Variants in DCDC2 observed in about 807,000 individuals in gnomAD.
DCDC2 encodes the protein doublecortin domain-containing protein 2.
A neutral mutation model predicts 50.2 loss-of-function variants in DCDC2; 40 were observed. The ratio of observed to expected loss-of-function variants is 0.80; its 90% CI spans 0.62 to 1.04. The LOEUF is 1.04. DCDC2 is among the 50% of genes least tolerant of loss of function. The probability of loss-of-function intolerance (pLI) is 0.00; values close to 1 mark genes in which losing one functional copy is unlikely to be tolerated. For synonymous variants in DCDC2, 234 were observed against 210.6 expected (o/e 1.11, Z -0.96); for missense variants, 570 against 581.9 (o/e 0.98, Z 0.21).
intron 2 of DCDC2, among the ~76,000 whole-genome samples, chr6:24,349,338 A>G (rs955871680): frequency 4.6e-5 from 7 of 152,258 alleles, no homozygotes; most frequent in Non-Finnish European, 8.8e-5. Context: ...GAGGTCATGC[A>G]TGTCTTAATC....
chr6:24,358,846 TATA>T, upstream of DCDC2, among the ~76,000 whole-genome samples: 1 of 27,736 alleles, frequency 3.6e-5, no homozygotes, highest in African/African-American at 2.2e-4. Flanking sequence ...TATATATTTA[TATA>T]TTATATATAA....
intron 2 of DCDC2, among the ~76,000 whole-genome samples, chr6:24,341,239 A>C (rs1760149860): frequency 6.6e-6 from 1 of 152,236 alleles, no homozygotes; most frequent in African/African-American, 2.4e-5. Context: ...AAATATAAAA[A>C]GTCAATTTAT....
At chr6:24,265,520 C>T (rs746236312) in intron 7 of DCDC2, among the ~76,000 whole-genome samples, 11 of 151,098 alleles carry the variant, frequency 7.3e-5, no homozygotes, top group Admixed American at 3.3e-4. Context: ...GATCACAAAA[C>T]AAGTTTTAAA....
chr6:24,174,935 T>C, intron 9 of DCDC2, 101 bp from the exon 10 acceptor site: 2 of 604,380 alleles, frequency 3.3e-6, no homozygotes, highest in Non-Finnish European at 2.6e-6. Context: ...TTTAATTATA[T>C]AAATATTTAA....
intron 1 of DCDC2, among the ~76,000 whole-genome samples, chr6:24,354,947 C>T (rs187457608): frequency 6.6e-6 from 1 of 152,268 alleles, no homozygotes; most frequent in Admixed American, 6.5e-5. Flanking sequence ...TCTTTCCCAA[C>T]ATTTAGGGTC....
intron 7 of DCDC2, among the ~76,000 whole-genome samples, chr6:24,241,820 A>C (rs540142474): frequency 6.6e-6 from 1 of 152,356 alleles, no homozygotes; most frequent in East Asian, 1.9e-4. Context: ...ATATGAATAG[A>C]ATATATGAGT....
chr6:24,214,576 G>A lies in DCDC2; in HGVS notation c.923-9474C>T, dbSNP rs568946810. On this transcript the variant is annotated intron_variant, in intron 7 of 9. Transcript: ENST00000378454. ...GGACTGAAAATAATTAAGTACCTCT[G>A]AGTAGGTTTACCTAAACCAACAAGT... is the stretch of plus-strand genomic sequence containing the variant. 2.6e-5 allele frequency among the ~76,000 whole-genome samples: 4 copies of A among 152,208 alleles called. No individual in the cohort carries two copies. In the East Asian group the frequency reaches 7.7e-4, roughly 29 times the overall value.
chr6:24,246,019 T>C (rs112959773), intron 7 of DCDC2, among the ~76,000 whole-genome samples: 1,759 of 152,296 alleles, frequency 0.012, 40 homozygotes, highest in African/African-American at 0.04. Flanking sequence ...TATTTATTTT[T>C]TTGAGACAGA....
intron 7 of DCDC2, among the ~76,000 whole-genome samples, chr6:24,265,791 C>G (rs955761568): frequency 1.8e-4 from 27 of 150,798 alleles, no homozygotes; most frequent in African/African-American, 6.3e-4. Flanking sequence ...GATGTAAGTG[C>G]CTACATCAAA....
chr6:24,218,620 TGG>T (rs1762031043), intron 7 of DCDC2, among the ~76,000 whole-genome samples: 2 of 152,134 alleles, frequency 1.3e-5, no homozygotes, highest in Non-Finnish European at 2.9e-5. Flanking sequence ...CCTGAATAGC[TGG>T]GACTACGGGC....
intron 6 of DCDC2, among the ~76,000 whole-genome samples, chr6:24,285,878 A>G (rs1763595553): frequency 6.6e-6 from 1 of 152,158 alleles, no homozygotes; most frequent in Non-Finnish European, 1.5e-5. Flanking sequence ...AATTTATTCA[A>G]TTACAATCGG....
At chr6:24,258,100 T>C (rs1762930947) in intron 7 of DCDC2, among the ~76,000 whole-genome samples, 1 of 152,144 alleles carries the variant, frequency 6.6e-6, no homozygotes, top group African/African-American at 2.4e-5. Context: ...GGTGGGTTCG[T>C]GGTCTCGCTG....
At chr6:24,285,375 T>C (rs1165782554) in intron 6 of DCDC2, among the ~76,000 whole-genome samples, 1 of 152,196 alleles carries the variant, frequency 6.6e-6, no homozygotes, top group Non-Finnish European at 1.5e-5. Flanking sequence ...GACACACCTA[T>C]CTAAATGTGT....
intron 6 of DCDC2, among the ~76,000 whole-genome samples, chr6:24,288,482 C>T (rs1399515606): frequency 1.3e-5 from 2 of 152,154 alleles, no homozygotes; most frequent in African/African-American, 4.8e-5. Context: ...GAGGATTATA[C>T]CCCTTTTCTC....
chr6:24,359,504 TTTATATA>T (rs1487850598), upstream of DCDC2, among the ~76,000 whole-genome samples: 1 of 100,328 alleles, frequency 1.0e-5, no homozygotes, highest in East Asian at 2.5e-4. Flanking sequence ...TTATATATAT[TTTATATA>T]TTATATATAT....
chr6:24,315,231 G>A (rs926485916), intron 2 of DCDC2, among the ~76,000 whole-genome samples: 1 of 144,190 alleles, frequency 6.9e-6, no homozygotes, highest in African/African-American at 2.6e-5. Context: ...GCATGTTTCT[G>A]TAGCTCCTTA....
chr6:24,357,133 G>GA (rs1760484516), intron 1 of DCDC2: 2 of 222,944 alleles, frequency 9.0e-6, no homozygotes, highest in South Asian at 1.7e-4. Flanking sequence ...GAAAAGGAAA[G>GA]AAAAAACTGA....
chr6:24,196,322 A>G (rs1322043325), intron 8 of DCDC2, among the ~76,000 whole-genome samples: 1 of 152,112 alleles, frequency 6.6e-6, no homozygotes, highest in African/African-American at 2.4e-5. Context: ...AACATGGTAC[A>G]GCCTTGAGCA....
chr6:24,374,915 G>A, the DCDC2 span, among the ~76,000 whole-genome samples: 71 of 152,174 alleles, frequency 4.7e-4, no homozygotes, highest in Non-Finnish European at 9.1e-4. Context: ...CCTGCGAGGA[G>A]CCCCAGCTTG....
Sources: gnomAD v4.1 joint callset for allele counts (sites outside exome capture counted in the v4.1 genomes callset) on GRCh38, gnomAD v4.1.1 for gene constraint, MANE v1.5 for transcripts, NCBI Gene and HGNC (gene_info 2026-07-23, HGNC 2026-07-21) for gene names.